The following ZHX3 variants were observed in gnomAD, a reference collection of about 807,000 sequenced individuals.
ZHX3 encodes zinc fingers and homeoboxes protein 3.
A neutral mutation model predicts 64.5 loss-of-function variants in ZHX3; 20 were observed. The observed-to-expected ratio is 0.31, with a 90% CI of 0.22 to 0.45. The LOEUF (loss-of-function observed/expected upper bound fraction) is 0.45. ZHX3 is among the 20% of genes least tolerant of loss of function. The probability of loss-of-function intolerance (pLI) is 1.00; values close to 1 mark genes in which losing one functional copy is unlikely to be tolerated. For synonymous variants in ZHX3, 423 were observed against 461.6 expected, an observed-to-expected ratio of 0.92 and a Z score of 1.07; for missense variants, 1,041 against 1,195.8, an observed-to-expected ratio of 0.87 and a Z score of 1.91.
At position 41,182,857 on chromosome 20, in the gene ZHX3, C is replaced by T. The variant is rs1003975221; in HGVS notation, c.*2334G>A. On this transcript the variant is annotated 3_prime_UTR_variant, in exon 4 of 4. Coordinates refer to ENST00000683867, the MANE Select transcript of ZHX3 (RefSeq NM_001384317.1). This position sits in a 1 kb window ranked among gnomAD's most constrained non-coding sequence, Gnocchi z 6.1. The stretch of plus-strand genomic sequence containing the variant: ...CACTGTAGGTCCTGCATGAACTTGT[C>T]CACCAACTGTGTTTTGCTGTTTGGG... 2.2e-4 allele frequency: 34 copies of T among 152,238 alleles called. No individual in the cohort carries two copies. Among genetic ancestry groups the T allele is most frequent in the African/African-American group, 8.2e-4 (34 of 41,452 alleles). 9.4% of individuals were successfully genotyped at this position (152,238 alleles called of 1,614,324 possible).
chr20:41,278,933 C>T (rs984623727), intron 1 of ZHX3, among the ~76,000 whole-genome samples: 5 of 151,864 alleles, frequency 3.3e-5, no homozygotes, highest in African/African-American at 7.2e-5. Context: ...CCACCACGCC[C>T]GGCTAATTTT....
chr20:41,232,896 G>C lies in ZHX3; in HGVS notation c.-150-27830C>G, dbSNP rs1267192535. Among the ~76,000 whole-genome samples, 1 of 152,144 alleles carries C rather than the reference G, an allele frequency of 6.6e-6. No homozygotes were observed. The highest frequency in any genetic ancestry group is 1.5e-5 in the Non-Finnish European group (1 of 68,018). ...CACCACGCCCGGCTGGAAAATTCTTGATATGTATCAGTATTTTTCAAAATG... is the reference window on the plus strand; with the variant it reads ...CACCACGCCCGGCTGGAAAATTCTTCATATGTATCAGTATTTTTCAAAATG... On this transcript the variant is annotated intron_variant, in intron 2 of 3. Transcript: ENST00000683867. This position sits in a 1 kb window ranked among gnomAD's most constrained non-coding sequence, Gnocchi z 5.0.
intron 1 of ZHX3, among the ~76,000 whole-genome samples, chr20:41,270,690 AAAG>A (rs2043101458): frequency 6.6e-6 from 1 of 152,062 alleles, no homozygotes; most frequent in South Asian, 2.1e-4. Flanking sequence ...AAAAAAAAAA[AAAG>A]TATTATGCAC....
intron 2 of ZHX3, chr20:41,239,616 T>A (rs1396947814): frequency 6.6e-6 from 1 of 152,150 alleles, no homozygotes; most frequent in African/African-American, 2.4e-5. Flanking sequence ...GCTTAAACAA[T>A]CAAGATCCAT....
rs142365500 is a variant in ZHX3, at chr20:41,263,226, T to C, written c.-151+5764A>G. Among the ~76,000 whole-genome samples the C allele has an allele frequency of 3.4e-3, 518 of 152,142 alleles. 5 individuals are homozygous for C. The highest frequency in any genetic ancestry group is 0.012 in the African/African-American group (490 of 41,502). On this transcript the variant is annotated intron_variant, in intron 2 of 3. Coordinates refer to ENST00000683867, the MANE Select transcript of ZHX3 (RefSeq NM_001384317.1). ...AACATTCTGTTTGCAAGATAGGCTA[T>C]GAAATAATGATAATGAAGTTGGAAA...
intron 2 of ZHX3, among the ~76,000 whole-genome samples, chr20:41,217,346 C>T (rs1483767684): frequency 6.6e-6 from 1 of 151,734 alleles, no homozygotes; most frequent in Non-Finnish European, 1.5e-5. Flanking sequence ...TATAATTGTT[C>T]AAGTTGGGTT....
intron 1 of ZHX3, among the ~76,000 whole-genome samples, chr20:41,302,952 G>C (rs117846928): frequency 1.3e-5 from 2 of 152,366 alleles, no homozygotes; most frequent in South Asian, 4.1e-4. Flanking sequence ...AGAAGGGAGA[G>C]GACTCTAGTG....
chr20:41,202,555 A>T lies in ZHX3; in HGVS notation c.2362T>A (p.Trp788Arg), dbSNP rs933078985. 2 of 1,613,938 alleles carry T rather than the reference A, an allele frequency of 1.2e-6. No individual in the cohort carries two copies. The highest frequency in any genetic ancestry group is 2.7e-5 in the African/African-American group (2 of 74,914). Residue 788 changes from tryptophan to arginine, a missense_variant, in exon 3 of 4, where the codon TGG (tryptophan) becomes AGG (arginine). Physicochemically the swap from Trp to Arg is moderately radical, Grantham distance 101. This residue lies in a region of ZHX3 where 649 missense variants were observed against 739.8 expected (regional missense o/e 0.88). Coordinates refer to ENST00000683867, the MANE Select transcript of ZHX3 (RefSeq NM_001384317.1). The surrounding 1 kb of genome is among the most constrained non-coding windows in gnomAD (Gnocchi z 7.0). ...GAGTCATAGTCCTGGTTGCTTGGCC[A>T]CTGTGTCTGGACAAAGAGCTGCCGC... ...LLRQLFVQTQWPSNQDYDSIM... is the reference protein window; with the variant it reads ...LLRQLFVQTQRPSNQDYDSIM...
chr20:41,314,567 CT>C (rs1324030395), intron 1 of ZHX3, among the ~76,000 whole-genome samples: 1 of 152,180 alleles, frequency 6.6e-6, no homozygotes, highest in Non-Finnish European at 1.5e-5. Context: ...AAACTTTATA[CT>C]TTTCAAAAAT....
In ZHX3 at chr20:41,197,491, G is replaced by A. The variant is rs1186725573; in HGVS notation, c.2860+4566C>T. On this transcript the variant is annotated intron_variant, in intron 3 of 3. Transcript: ENST00000683867. ...TGGTGATAATATAGCCACCTCAGCT[G>A]TCATATGGTTACTATTTTCTAGGTG... 2.0e-5 allele frequency among the ~76,000 whole-genome samples: 3 copies of A among 150,526 alleles called. No individual in the cohort carries two copies. In the East Asian group the frequency reaches 5.8e-4, roughly 29 times the overall value.
intron 1 of ZHX3, among the ~76,000 whole-genome samples, chr20:41,302,930 T>A (rs936673365): frequency 6.6e-6 from 1 of 152,228 alleles, no homozygotes; most frequent in Admixed American, 6.5e-5. Flanking sequence ...TGAATTAAAA[T>A]GGCAGCTGGA....
chr20:41,242,891 C>T (rs1358291936), intron 2 of ZHX3, among the ~76,000 whole-genome samples: 1 of 152,174 alleles, frequency 6.6e-6, no homozygotes, highest in East Asian at 1.9e-4. Flanking sequence ...TCAACTGTCA[C>T]TAACCTTTTA....
Position 41,185,103 on chromosome 20 carries a change from C to T in ZHX3, c.*88G>A. 1 of 1,574,266 alleles carries T rather than the reference C, an allele frequency of 6.4e-7. No homozygotes were observed. Among genetic ancestry groups the T allele is most frequent in the Non-Finnish European group, 8.6e-7 (1 of 1,157,596 alleles). The stretch of plus-strand genomic sequence containing the variant: ...GCCCAGCAGCCGGGCATGGGAACGG[C>T]ATGTGGCAGCAGAGAGTCGGGTTTG... On this transcript the variant is annotated 3_prime_UTR_variant, in exon 4 of 4. Transcript: ENST00000683867. The surrounding 1 kb of genome is among the most constrained non-coding windows in gnomAD (Gnocchi z 5.0).
At chr20:41,240,427 A>G (rs895902391) in intron 2 of ZHX3, among the ~76,000 whole-genome samples, 7 of 152,160 alleles carry the variant, frequency 4.6e-5, no homozygotes, top group Non-Finnish European at 7.4e-5. Flanking sequence ...CATGGTAGGT[A>G]TATATATTTA....
At chr20:41,217,520 C>T (rs2039613718) in intron 2 of ZHX3, among the ~76,000 whole-genome samples, 1 of 152,142 alleles carries the variant, frequency 6.6e-6, no homozygotes, top group African/African-American at 2.4e-5. Context: ...TTTCTCTCTT[C>T]CCTTCCTTTG....
rs1291654184 is a variant in ZHX3, at chr20:41,192,464, A to G, written c.2861-7263T>C. Among the ~76,000 whole-genome samples, 5 of 152,340 alleles carry G rather than the reference A, an allele frequency of 3.3e-5. No homozygotes were observed. In the East Asian group the frequency reaches 9.6e-4, roughly 29 times the overall value. ...GTGCTGTACTACTACCTTCCATTGGAGAGCACAGGGTTGCTGGCCAGTGGG... is the reference window on the plus strand; with the variant it reads ...GTGCTGTACTACTACCTTCCATTGGGGAGCACAGGGTTGCTGGCCAGTGGG... On this transcript the variant is annotated intron_variant, in intron 3 of 3. Coordinates refer to ENST00000683867, the MANE Select transcript of ZHX3 (RefSeq NM_001384317.1).
intron 3 of ZHX3, among the ~76,000 whole-genome samples, chr20:41,191,462 T>G (rs961334516): frequency 1.3e-5 from 2 of 152,230 alleles, no homozygotes; most frequent in African/African-American, 4.8e-5. Context: ...TGAGCTTCCT[T>G]ACACTCAATA....
At position 41,202,206 on chromosome 20, in the gene ZHX3, G is replaced by A. The variant is rs933047900; in HGVS notation, c.2711C>T (p.Pro904Leu). The A allele has an allele frequency of 2.5e-6, 4 of 1,613,994 alleles. No homozygotes were observed. In the African/African-American group the frequency reaches 5.3e-5, roughly 22 times the overall value. Residue 904 changes from proline to leucine, a missense_variant, in exon 3 of 4, where the codon CCT (proline) becomes CTT (leucine). Transcript: ENST00000683867. The surrounding 1 kb of genome is among the most constrained non-coding windows in gnomAD (Gnocchi z 7.0). ...VADTGSEDQGPGTGELTAVHK... is the reference protein window; with the variant it reads ...VADTGSEDQGLGTGELTAVHK... Reference sequence around the variant, plus strand: ...AACTGCTGTGAGCTCACCAGTACCAGGGCCCTGGTCCTCACTGCCTGTGTC... The same window carrying A: ...AACTGCTGTGAGCTCACCAGTACCAAGGCCCTGGTCCTCACTGCCTGTGTC...
chr20:41,201,471 C>T lies in ZHX3; in HGVS notation c.2860+586G>A, dbSNP rs1237275947. Reference sequence around the variant, plus strand: ...AAATAATCTTCTATGATACATTTTGCTTTCGAGTACAATCCAGAGAAACTG... The same window carrying T: ...AAATAATCTTCTATGATACATTTTGTTTTCGAGTACAATCCAGAGAAACTG... On this transcript the variant is annotated intron_variant, in intron 3 of 3. Transcript: ENST00000683867. The surrounding 1 kb of genome is among the most constrained non-coding windows in gnomAD (Gnocchi z 5.0). The T allele has an allele frequency of 1.9e-6, 2 of 1,025,796 alleles. No individual in the cohort carries two copies. Among genetic ancestry groups the T allele is most frequent in the Non-Finnish European group, 2.7e-6 (2 of 746,006 alleles). 63.5% of individuals were successfully genotyped at this position (1,025,796 alleles called of 1,614,324 possible).
Sources: gnomAD v4.1 joint callset for allele counts (sites outside exome capture counted in the v4.1 genomes callset) on GRCh38, gnomAD v4.1.1 for gene constraint, gnomAD v4.1.1 regional missense constraint, Gnocchi (gnomAD v3.1) non-coding constraint, MANE v1.5 for transcripts, NCBI Gene and HGNC (gene_info 2026-07-23, HGNC 2026-07-21) for gene names.